The following TRERF1 variants were observed in gnomAD, a reference collection of about 807,000 sequenced individuals.
TRERF1 encodes the protein transcriptional-regulating factor 1.
Under a neutral mutation model 122.9 loss-of-function variants are expected in TRERF1, and 27 were observed. The ratio of observed to expected loss-of-function variants is 0.22; its 90% CI spans 0.16 to 0.30. The LOEUF (loss-of-function observed/expected upper bound fraction) is 0.30, where lower values mean the gene tolerates loss of function less well. Ranked by LOEUF, TRERF1 falls within the 10% of genes least tolerant of loss-of-function variation. The pLI, the probability that TRERF1 is intolerant of heterozygous loss-of-function variation, is 1.00. For synonymous variants in TRERF1, 636 were observed against 641.7 expected (o/e 0.99, Z 0.13); for missense variants, 1,248 against 1,560.3 (o/e 0.80, Z 3.37).
chr6:42,398,778 C>A (rs1778982417), intron 2 of TRERF1, among the ~76,000 whole-genome samples: 1 of 152,176 alleles, frequency 6.6e-6, no homozygotes, highest in Non-Finnish European at 1.5e-5. Flanking sequence ...TCAAGATTGT[C>A]CTGACACCAT....
intron 2 of TRERF1, among the ~76,000 whole-genome samples, chr6:42,371,677 C>T (rs183096803): frequency 2.2e-3 from 337 of 152,206 alleles, no homozygotes; most frequent in African/African-American, 7.8e-3. Flanking sequence ...CATCTGTGAC[C>T]TGTGTGAGGC....
intron 2 of TRERF1, among the ~76,000 whole-genome samples, chr6:42,450,554 A>C (rs977254149): frequency 6.6e-6 from 1 of 152,262 alleles, no homozygotes; most frequent in East Asian, 1.9e-4. Flanking sequence ...TTGTAACCTA[A>C]GGATGGCAGG....
At chr6:42,314,756 A>G (rs1251320431) in intron 3 of TRERF1, among the ~76,000 whole-genome samples, 1 of 152,122 alleles carries the variant, frequency 6.6e-6, no homozygotes, top group Non-Finnish European at 1.5e-5. Flanking sequence ...GCATTCTAGG[A>G]GGAGGAACAG....
chr6:42,263,347 C>G lies in TRERF1; in HGVS notation c.1857G>C (p.Ser619=), dbSNP rs114126055. 1 of 1,612,962 alleles carries G rather than the reference C, an allele frequency of 6.2e-7. No individual in the cohort carries two copies. The highest frequency in any genetic ancestry group is 8.5e-7 in the Non-Finnish European group (1 of 1,179,576). ...GCACAGGCATCTCGTCGTCCGACAT[C>G]GAGCTGGCTGGCTTGTCTCTGGCGG... Residue 619 remains serine, a synonymous_variant, in exon 8 of 18, where the codon TCG becomes TCC. Transcript: ENST00000372922. This position sits in a 1 kb window ranked among gnomAD's most constrained non-coding sequence, Gnocchi z 5.6.
At chr6:42,248,729 G>A (rs1775227857) in intron 13 of TRERF1, among the ~76,000 whole-genome samples, 1 of 152,164 alleles carries the variant, frequency 6.6e-6, no homozygotes, top group African/African-American at 2.4e-5. Flanking sequence ...TCTTCCATGG[G>A]TTCCAGAGGG....
At chr6:42,330,528 T>C (rs1765073181) in intron 3 of TRERF1, among the ~76,000 whole-genome samples, 1 of 152,224 alleles carries the variant, frequency 6.6e-6, no homozygotes, top group Non-Finnish European at 1.5e-5. Context: ...AGTTATCATA[T>C]TTATAAAGAG....
chr6:42,361,293 T>C (rs1225050464), intron 3 of TRERF1, among the ~76,000 whole-genome samples: 1 of 152,226 alleles, frequency 6.6e-6, no homozygotes, highest in South Asian at 2.1e-4. Flanking sequence ...CTGTGAGAAA[T>C]ATGATTTGTT....
chr6:42,306,461 A>G (rs953743712), intron 3 of TRERF1, among the ~76,000 whole-genome samples: 2 of 152,182 alleles, frequency 1.3e-5, no homozygotes, highest in African/African-American at 4.8e-5. Context: ...CAGAGCACAG[A>G]AGCTTGGGCC....
At chr6:42,264,960 A>T in intron 6 of TRERF1, 106 bp from the exon 7 acceptor site, 1 of 1,265,512 alleles carries the variant, frequency 7.9e-7, no homozygotes, top group Non-Finnish European at 1.1e-6. Context: ...TCATTCATCC[A>T]ATGATCCCAT....
chr6:42,418,237 T>TTTG (rs67466249), intron 2 of TRERF1, among the ~76,000 whole-genome samples: 2 of 117,058 alleles, frequency 1.7e-5, no homozygotes, highest in Admixed American at 1.9e-4. Flanking sequence ...TTTTTTTTTT[T>TTTG]GAGATGGAGT....
At chr6:42,258,741 T>A (rs74574083) in intron 9 of TRERF1, among the ~76,000 whole-genome samples, 8 of 143,456 alleles carry the variant, frequency 5.6e-5, no homozygotes, top group African/African-American at 2.1e-4. Context: ...CATCCCGTTA[T>A]TTTTTTTTTT....
At chr6:42,386,916 T>C (rs571409679) in intron 2 of TRERF1, among the ~76,000 whole-genome samples, 30 of 152,150 alleles carry the variant, frequency 2.0e-4, no homozygotes, top group Non-Finnish European at 2.6e-4. Flanking sequence ...CCTGTACATG[T>C]AGGATGTTTA....
intron 2 of TRERF1, among the ~76,000 whole-genome samples, chr6:42,450,830 C>A (rs1788346750): frequency 6.6e-6 from 1 of 152,202 alleles, no homozygotes; most frequent in Non-Finnish European, 1.5e-5. Flanking sequence ...ACATATGTAT[C>A]ATGTCAAAAA....
intron 10 of TRERF1, among the ~76,000 whole-genome samples, chr6:42,257,367 G>A (rs1776958985): frequency 6.6e-6 from 1 of 152,094 alleles, no homozygotes; most frequent in African/African-American, 2.4e-5. Context: ...GGAGAGGGAG[G>A]GTGATTATTT....
At chr6:42,435,803 G>A (rs1401905456) in intron 2 of TRERF1, among the ~76,000 whole-genome samples, 3 of 141,028 alleles carry the variant, frequency 2.1e-5, no homozygotes, top group African/African-American at 5.0e-5. Context: ...GTGAAACCCC[G>A]TCTTTACCAA....
At chr6:42,255,304 C>T (rs1444459925) in intron 12 of TRERF1, among the ~76,000 whole-genome samples, 2 of 152,210 alleles carry the variant, frequency 1.3e-5, no homozygotes, top group African/African-American at 2.4e-5. Context: ...ATAGAAAAAT[C>T]GTGTTTCATT....
At chr6:42,413,017 T>C (rs1781332888) in intron 2 of TRERF1, among the ~76,000 whole-genome samples, 2 of 152,148 alleles carry the variant, frequency 1.3e-5, no homozygotes, top group African/African-American at 4.8e-5. Flanking sequence ...AGGACAGCAA[T>C]GCTTAGCCAA....
At chr6:42,252,009 T>G (rs1314293680) in intron 13 of TRERF1, among the ~76,000 whole-genome samples, 1 of 152,192 alleles carries the variant, frequency 6.6e-6, no homozygotes, top group Non-Finnish European at 1.5e-5. Flanking sequence ...CCAACCCAAG[T>G]GCTAATTGGG....
At chr6:42,451,521 G>C (rs1173167795) in intron 1 of TRERF1, among the ~76,000 whole-genome samples, 153 bp downstream of exon 1, 1 of 150,624 alleles carries the variant, frequency 6.6e-6, no homozygotes, top group Non-Finnish European at 1.5e-5. Context: ...AAACTTACTC[G>C]GTCCGTCTAC....
Sources: allele counts gnomAD v4.1 joint callset (sites outside exome capture counted in the v4.1 genomes callset), GRCh38; gene constraint gnomAD v4.1.1; non-coding constraint Gnocchi (gnomAD v3.1); transcripts MANE v1.5; gene names NCBI Gene and HGNC (gene_info 2026-07-23, HGNC 2026-07-21).